Variants in MYO16 observed in about 807,000 individuals in gnomAD.
MYO16 encodes the protein unconventional myosin-XVI.
A neutral mutation model predicts 205.3 loss-of-function variants in MYO16; 94 were observed. That is an observed-to-expected ratio of 0.46 (90% CI 0.39 to 0.54). The LOEUF (loss-of-function observed/expected upper bound fraction) is 0.54, where lower values mean the gene tolerates loss of function less well. MYO16 is among the 20% of genes least tolerant of loss of function. The pLI, the probability that MYO16 is intolerant of heterozygous loss-of-function variation, is 0.00. For synonymous variants in MYO16, 988 were observed against 954.0 expected (o/e 1.04, Z -0.66); for missense variants, 2,315 against 2,387.5 (o/e 0.97, Z 0.63).
At chr13:108,891,686 G>T (rs555770679) in intron 14 of MYO16, among the ~76,000 whole-genome samples, 134 of 152,234 alleles carry the variant, frequency 8.8e-4, no homozygotes, top group African/African-American at 3.2e-3. Flanking sequence ...CATGTGTCTG[G>T]CCGTACACAC....
chr13:108,906,983 AT>A (rs1881010031), intron 15 of MYO16, among the ~76,000 whole-genome samples: 1 of 152,162 alleles, frequency 6.6e-6, no homozygotes, highest in Admixed American at 6.5e-5. Flanking sequence ...AAGAGAAAAT[AT>A]TTGGCTATCC....
chr13:109,062,269 G>A (rs1887616171), intron 27 of MYO16, among the ~76,000 whole-genome samples: 1 of 152,110 alleles, frequency 6.6e-6, no homozygotes, highest in South Asian at 2.1e-4. Context: ...TTCTAAATGA[G>A]GATCGTATCG....
chr13:108,853,130 G>A (rs1248864273), intron 10 of MYO16, among the ~76,000 whole-genome samples: 1 of 152,226 alleles, frequency 6.6e-6, no homozygotes, highest in African/African-American at 2.4e-5. Flanking sequence ...GCCGAAGGCA[G>A]CATCACTTCT....
chr13:109,194,742 C>T (rs1880073864), intron 34 of MYO16, among the ~76,000 whole-genome samples: 1 of 152,092 alleles, frequency 6.6e-6, no homozygotes, highest in South Asian at 2.1e-4. Flanking sequence ...TTTCTCAAAG[C>T]ATATGGGCTT....
chr13:108,955,603 C>G (rs1883319030), intron 16 of MYO16, among the ~76,000 whole-genome samples: 1 of 152,138 alleles, frequency 6.6e-6, no homozygotes, highest in Admixed American at 6.5e-5. Flanking sequence ...GCCTGTAAAC[C>G]CAGCATTTTG....
rs962336244 is a variant in MYO16 at position 108,737,504 on chromosome 13, G to T, written c.507+9921G>T. Among the ~76,000 whole-genome samples the T allele has an allele frequency of 7.9e-5, 12 of 152,160 alleles. 1 individual carries two copies. Among genetic ancestry groups the T allele is most frequent in the Middle Eastern group, 3.2e-3 (1 of 316 alleles). ...GGATGAAGCCCACTTGATCATGGTG[G>T]ATAAGCTTTTTGATGTGCTGCTGGA... is the stretch of plus-strand genomic sequence containing the variant. On this transcript the variant is annotated intron_variant, in intron 4 of 34. Transcript: ENST00000457511.
At chr13:108,710,645 G>A (rs1440156962) in intron 2 of MYO16, among the ~76,000 whole-genome samples, 1 of 152,158 alleles carries the variant, frequency 6.6e-6, no homozygotes, top group Non-Finnish European at 1.5e-5. Context: ...AAAAAACTGA[G>A]ACATAAAGTT....
chr13:109,022,883 A>C (rs1336479029), intron 23 of MYO16, among the ~76,000 whole-genome samples: 2 of 136,516 alleles, frequency 1.5e-5, no homozygotes, highest in African/African-American at 5.3e-5. Flanking sequence ...GTATATATTT[A>C]TTATATATAC....
intron 27 of MYO16, among the ~76,000 whole-genome samples, chr13:109,073,477 G>C (rs913347494): frequency 2.0e-5 from 3 of 152,040 alleles, no homozygotes; most frequent in Non-Finnish European, 4.4e-5. Flanking sequence ...AAGAAAAAAT[G>C]AATTCCTTCA....
intron 8 of MYO16, 34 bp from the exon 9 acceptor site, chr13:108,823,091 C>A: frequency 1.9e-6 from 3 of 1,580,446 alleles, no homozygotes; most frequent in South Asian, 1.1e-5. Flanking sequence ...CACCACCCAT[C>A]ATTTTTCTGA....
intron 25 of MYO16, 68 bp downstream of exon 25, chr13:109,052,543 T>A (rs277831): frequency 0.039 from 47,202 of 1,197,338 alleles, 1,026 homozygotes; most frequent in Non-Finnish European, 0.044. Flanking sequence ...TCTTTTTTTT[T>A]AAAAAAAAGC....
At chr13:108,606,515 G>C (rs1020306476) in intron 1 of MYO16, among the ~76,000 whole-genome samples, 2 of 152,184 alleles carry the variant, frequency 1.3e-5, no homozygotes, top group African/African-American at 4.8e-5. Context: ...GCTTCTGCAT[G>C]ATATTTGTCC....
chr13:108,909,479 G>T (rs145468778), intron 15 of MYO16, among the ~76,000 whole-genome samples: 65 of 151,874 alleles, frequency 4.3e-4, no homozygotes, highest in African/African-American at 1.6e-3. Context: ...AATTCAAATT[G>T]CATTTTCCTT....
intron 1 of MYO16, among the ~76,000 whole-genome samples, chr13:108,636,331 T>A (rs9583270): frequency 0.026 from 3,864 of 145,888 alleles, 170 homozygotes; most frequent in African/African-American, 0.085. Context: ...TAGTCTTAAA[T>A]GAAAAAATAT....
At chr13:108,785,769 G>C (rs1555298336) in intron 5 of MYO16, 26 bp downstream of exon 5, 2 of 1,371,624 alleles carry the variant, frequency 1.5e-6, no homozygotes, top group East Asian at 4.6e-5. Flanking sequence ...TAAAACCATA[G>C]AAAAAAATAG....
chr13:108,808,717 A>T (rs899683031), intron 7 of MYO16, among the ~76,000 whole-genome samples: 3 of 146,958 alleles, frequency 2.0e-5, no homozygotes, highest in Non-Finnish European at 4.4e-5. Context: ...GTTATGTGGT[A>T]AAAAAAAATC....
intron 23 of MYO16, among the ~76,000 whole-genome samples, chr13:109,031,145 G>T (rs879772252): frequency 6.6e-6 from 1 of 152,078 alleles, no homozygotes; most frequent in Non-Finnish European, 1.5e-5. Flanking sequence ...AGGCTGGAGT[G>T]CAACGGCGCG....
intron 20 of MYO16, among the ~76,000 whole-genome samples, chr13:108,984,109 CA>C (rs773801037): frequency 1.3e-5 from 2 of 152,188 alleles, no homozygotes; most frequent in African/African-American, 2.4e-5. Context: ...TTTCTTTCTG[CA>C]AATGGATTCT....
chr13:108,759,393 G>A (rs906926516), intron 4 of MYO16, among the ~76,000 whole-genome samples: 1 of 152,148 alleles, frequency 6.6e-6, no homozygotes, highest in African/African-American at 2.4e-5. Context: ...GTTGGCATGT[G>A]TTATTATGTA....
Sources: gnomAD v4.1 joint callset for allele counts (sites outside exome capture counted in the v4.1 genomes callset) on GRCh38, gnomAD v4.1.1 for gene constraint, MANE v1.5 for transcripts, NCBI Gene and HGNC (gene_info 2026-07-23, HGNC 2026-07-21) for gene names.